The following TNS2 variants were observed in gnomAD, a reference collection of about 807,000 sequenced individuals.
The protein encoded by TNS2 is tensin 2.
Under a neutral mutation model 155.7 loss-of-function variants are expected in TNS2, and 77 were observed. The ratio of observed to expected loss-of-function variants is 0.49; its 90% CI spans 0.41 to 0.60. TNS2 has a LOEUF of 0.60. TNS2 is among the 20% of genes least tolerant of loss of function. TNS2 has a pLI of 0.00. For missense variants in TNS2, 1,703 were observed against 1,868.8 expected (o/e 0.91, Z 1.64); for synonymous variants, 726 against 763.9 (o/e 0.95, Z 0.82).
Position 53,063,188 on chromosome 12 carries a change from G to A in TNS2, c.3923G>A (p.Arg1308His), listed in dbSNP as rs141091775. 1.2e-5 allele frequency: 20 copies of A among 1,612,256 alleles called. No individual in the cohort carries two copies. The highest frequency in any genetic ancestry group is 1.6e-4 in the Middle Eastern group (1 of 6,076). ...ASSAALSCSPRPTPAVVHFKV... is the reference protein window; with the variant it reads ...ASSAALSCSPHPTPAVVHFKV... Reference sequence around the variant, plus strand: ...TCTGCAGCTCTGAGCTGTAGCCCCCGCCCGACACCAGCTGTTGTCCACTTC... The same window carrying A: ...TCTGCAGCTCTGAGCTGTAGCCCCCACCCGACACCAGCTGTTGTCCACTTC... The change falls in exon 26 of 29, where the codon CGC becomes CAC. Residue 1308 changes from arginine to histidine, a missense_variant. Coordinates refer to ENST00000314250, the MANE Select transcript of TNS2 (RefSeq NM_170754.4). The surrounding 1 kb of genome is among the most constrained non-coding windows in gnomAD (Gnocchi z 5.6).
chr12:53,060,044 A>G lies in TNS2; in HGVS notation c.2403A>G (p.Ala801=), dbSNP rs148831534. The G allele has an allele frequency of 2.7e-5, 43 of 1,613,392 alleles. No individual in the cohort carries two copies. Among genetic ancestry groups the G allele is most frequent in the Non-Finnish European group, 1.5e-5 (18 of 1,179,936 alleles). Residue 801 remains alanine (A), a synonymous_variant, in exon 18 of 29, where the codon GCA becomes GCG. Coordinates refer to ENST00000314250, the MANE Select transcript of TNS2 (RefSeq NM_170754.4). The surrounding 1 kb of genome is among the most constrained non-coding windows in gnomAD (Gnocchi z 6.1). The part of the protein sequence containing the change: ...YGGAVPSYCP[A]YGRVPHSCGS... ...GAGCAGTTCCCAGTTACTGCCCAGC[A>G]TATGGCCGTGTGCCTCATAGCTGTG...
rs1943870030 is a variant in TNS2 at position 53,050,076 on chromosome 12, C to T, written c.-110C>T. 1 of 1,534,932 alleles carries T rather than the reference C, an allele frequency of 6.5e-7. No individual in the cohort carries two copies. Among genetic ancestry groups the T allele is most frequent in the South Asian group, 1.2e-5 (1 of 82,652 alleles). ...TCCTCACACCAGCCAGACAGCCTAC[C>T]CTCCGCCCAGGGGAAGCGGCTGCCT... On this transcript the variant is annotated 5_prime_UTR_variant, in exon 1 of 29. Transcript: ENST00000314250. This position sits in a 1 kb window ranked among gnomAD's most constrained non-coding sequence, Gnocchi z 4.7.
chr12:53,060,393 C>T lies in TNS2; in HGVS notation c.2618-12C>T. The T allele has an allele frequency of 6.2e-7, 1 of 1,610,208 alleles. No individual in the cohort carries two copies. Among genetic ancestry groups the T allele is most frequent in the Non-Finnish European group, 8.5e-7 (1 of 1,177,882 alleles). On this transcript the variant is annotated splice_polypyrimidine_tract_variant and intron_variant, in intron 18 of 28. Transcript: ENST00000314250. The surrounding 1 kb of genome is among the most constrained non-coding windows in gnomAD (Gnocchi z 6.1). ...CATCCTGCTCACAGCCCACCTCTCC[C>T]CTTCACTGCAGAGTCGCTGGAGCCG...
chr12:53,061,807 C>T lies in TNS2; in HGVS notation c.3449-8C>T, dbSNP rs1334170761. ...CCTCCCCACTGCCCGCTACCCCTCA[C>T]CCTGCAGCCATTGCCCTGCTGAAGG... On this transcript the variant is annotated splice_region_variant and splice_polypyrimidine_tract_variant and intron_variant, in intron 21 of 28. Coordinates refer to ENST00000314250, the MANE Select transcript of TNS2 (RefSeq NM_170754.4). 1.2e-6 allele frequency: 2 copies of T among 1,610,616 alleles called. No homozygotes were observed. Among genetic ancestry groups the T allele is most frequent in the Non-Finnish European group, 1.7e-6 (2 of 1,178,322 alleles).
intron 10 of TNS2, chr12:53,056,108 C>A: frequency 2.7e-6 from 1 of 368,738 alleles, no homozygotes; most frequent in Non-Finnish European, 4.9e-6. Flanking sequence ...GTAATACCAG[C>A]ACTTTGGGAG....
At chr12:53,061,754 TG>T (rs2121167745) in intron 21 of TNS2, 60 bp from the exon 22 acceptor site, 4 of 1,564,308 alleles carry the variant, frequency 2.6e-6, no homozygotes, top group Non-Finnish European at 3.5e-6. Context: ...GGGGGCTGCA[TG>T]GGGCTCAGTC....
chr12:53,061,826 C>T lies in TNS2; in HGVS notation c.3460C>T (p.Leu1154=), dbSNP rs1459368292. 6.2e-7 allele frequency: 1 copy of T among 1,612,842 alleles called. No homozygotes were observed. The highest frequency in any genetic ancestry group is 2.2e-5 in the East Asian group (1 of 44,850). Reference sequence around the variant, plus strand: ...CCCTCACCCTGCAGCCATTGCCCTGCTGAAGGACAAGGACCCTGGGGCCTT... The same window carrying T: ...CCCTCACCCTGCAGCCATTGCCCTGTTGAAGGACAAGGACCCTGGGGCCTT... ...HLSRDQAIAL[L]KDKDPGAFLI... Residue 1154 remains leucine (L), a synonymous_variant, in exon 22 of 29, where the codon CTG becomes TTG. Coordinates refer to ENST00000314250, the MANE Select transcript of TNS2 (RefSeq NM_170754.4).
Position 53,061,223 on chromosome 12 carries a change from C to A in TNS2, c.3317C>A (p.Thr1106Asn). The change falls in exon 20 of 29, where the codon ACC becomes AAC. Residue 1106 changes from threonine (T) to asparagine (N), a missense_variant. Physicochemically the swap from Thr to Asn is moderately conservative, Grantham distance 65 (BLOSUM62 0). Transcript: ENST00000314250. ...GCCAGAGGCATCAGTCACCATGTCA[C>A]CTTCGCACCTCTGCTCTCAGATAAT... ...SPARGISHHV[T>N]FAPLLSDNVP... 1.9e-6 allele frequency: 3 copies of A among 1,571,666 alleles called. No individual in the cohort carries two copies. Among genetic ancestry groups the A allele is most frequent in the Non-Finnish European group, 1.7e-6 (2 of 1,158,420 alleles).
At chr12:53,052,532 G>A (rs1943975551) in intron 3 of TNS2, 40 bp downstream of exon 3, 2 of 1,612,956 alleles carry the variant, frequency 1.2e-6, no homozygotes, top group Non-Finnish European at 1.7e-6. Flanking sequence ...AGAGGGTCTG[G>A]AGTCCCTTCC....
At position 53,059,378 on chromosome 12, in the gene TNS2, A is replaced by T; in HGVS notation, c.1737A>T (p.Gly579=). The T allele has an allele frequency of 6.9e-7, 1 of 1,455,422 alleles. No homozygotes were observed. Among genetic ancestry groups the T allele is most frequent in the South Asian group, 1.5e-5 (1 of 67,546 alleles). The allele number at this position is 1,455,422 out of a possible 1,614,324, so 90.2% of individuals were successfully genotyped here. Residue 579 remains glycine, a synonymous_variant, in exon 18 of 29, where the codon GGA becomes GGT. Transcript: ENST00000314250. This position sits in a 1 kb window ranked among gnomAD's most constrained non-coding sequence, Gnocchi z 4.7. ...CTGTGGGCGGAGGCCCCCACCTCGG[A>T]GTGTATCCAGGCCATAGGCCTGGCC... ...QPTVGGGPHL[G]VYPGHRPGLS...
At chr12:53,057,228 G>A (rs937785960) in intron 11 of TNS2, 132 bp downstream of exon 11, 1 of 987,790 alleles carries the variant, frequency 1.0e-6, no homozygotes, top group Non-Finnish European at 1.5e-6. Context: ...AGAATTCAAA[G>A]TGGACAAAGC....
chr12:53,057,573 C>T lies in TNS2; in HGVS notation c.852C>T (p.Ile284=), dbSNP rs1220814685. Residue 284 remains isoleucine (I), a synonymous_variant, in exon 12 of 29, where the codon ATC becomes ATT. Transcript: ENST00000314250. ...TELQPSQRRY[I]SYFSGLLSGS... ...TTGACACGCCCTCCACCAGATATAT[C>T]AGCTACTTCAGTGGGCTGCTATCTG... is the stretch of plus-strand genomic sequence containing the variant. The T allele has an allele frequency of 3.1e-6, 5 of 1,610,776 alleles. No homozygotes were observed. Among genetic ancestry groups the T allele is most frequent in the Non-Finnish European group, 1.7e-6 (2 of 1,177,810 alleles).
intron 11 of TNS2, 112 bp from the exon 12 acceptor site, chr12:53,057,455 G>C: frequency 1.2e-6 from 1 of 839,358 alleles, no homozygotes; most frequent in Non-Finnish European, 1.9e-6. Flanking sequence ...CCGGAAGATG[G>C]GAAGGAAGTG....
At position 53,059,143 on chromosome 12, in the gene TNS2, C is replaced by A; in HGVS notation, c.1502C>A (p.Pro501His). ...ACCCCCCCGGCACCCTCTCCAGAGC[C>A]TCCACCACCCCCCATGCTCTCTGTC... The part of the protein sequence containing the change: ...RQTPPAPSPE[P>H]PPPPMLSVSS... The change falls in exon 18 of 29, where the codon CCT becomes CAT. Residue 501 changes from proline (P) to histidine (H), a missense_variant. Transcript: ENST00000314250. The surrounding 1 kb of genome is among the most constrained non-coding windows in gnomAD (Gnocchi z 4.7). 9 of 1,596,182 alleles carry A rather than the reference C, an allele frequency of 5.6e-6. No homozygotes were observed. The highest frequency in any genetic ancestry group is 7.7e-6 in the Non-Finnish European group (9 of 1,174,708).
At chr12:53,057,905 C>A in intron 13 of TNS2, 72 bp downstream of exon 13, 1 of 1,610,964 alleles carries the variant, frequency 6.2e-7, no homozygotes, top group Non-Finnish European at 8.5e-7. Context: ...TCCTGCTTCT[C>A]CAGCCTCCCT....
upstream of TNS2, among the ~76,000 whole-genome samples, chr12:53,048,513 G>A (rs532236454): frequency 6.6e-6 from 1 of 152,200 alleles, no homozygotes; most frequent in South Asian, 2.1e-4. Flanking sequence ...GCTCGACAAG[G>A]CCAGGCCCGG....
rs1944225472 is a variant in TNS2, at chr12:53,058,113, T to C, written c.1095+11T>C. The C allele has an allele frequency of 1.9e-6, 3 of 1,613,382 alleles. No homozygotes were observed. Among genetic ancestry groups the C allele is most frequent in the Non-Finnish European group, 2.5e-6 (3 of 1,179,890 alleles). ...AAAGGCGATGTCATGGTGAGGGGGGTCCTGTCAACAAGAAGAATCCTGGAG... is the reference window on the plus strand; with the variant it reads ...AAAGGCGATGTCATGGTGAGGGGGGCCCTGTCAACAAGAAGAATCCTGGAG... On this transcript the variant is annotated intron_variant, in intron 14 of 28. Transcript: ENST00000314250.
intron 1 of TNS2, among the ~76,000 whole-genome samples, chr12:53,051,339 A>G (rs1943923145): frequency 1.3e-5 from 2 of 151,990 alleles, no homozygotes; most frequent in South Asian, 4.1e-4. Flanking sequence ...ACCGTGGGGG[A>G]GGAGGGCATG....
chr12:53,058,580 T>C lies in TNS2; in HGVS notation c.1234T>C (p.Phe412Leu), dbSNP rs1477246422. The C allele has an allele frequency of 6.2e-7, 1 of 1,613,520 alleles. No homozygotes were observed. The highest frequency in any genetic ancestry group is 1.3e-5 in the African/African-American group (1 of 74,720). The change falls in exon 16 of 29, where the codon TTC becomes CTC. Residue 412 changes from phenylalanine to leucine, a missense_variant. Coordinates refer to ENST00000314250, the MANE Select transcript of TNS2 (RefSeq NM_170754.4). ...CTGTCCACTCCCCATAGATGAGAGG[T>C]TCCCCTTCCAAGCCTCCGTGGAGTT... ...QLDEAWTDERFPFQASVEFVF... is the reference protein window; with the variant it reads ...QLDEAWTDERLPFQASVEFVF...
Sources: allele counts gnomAD v4.1 joint callset (sites outside exome capture counted in the v4.1 genomes callset), GRCh38; gene constraint gnomAD v4.1.1; non-coding constraint Gnocchi (gnomAD v3.1); transcripts MANE v1.5; gene names NCBI Gene and HGNC (gene_info 2026-07-23, HGNC 2026-07-21).